TDRD3: variants seen among roughly 807,000 people sequenced by gnomAD.
TDRD3 encodes the protein tudor domain containing 3, also known as tudor domain-containing protein 3.
In TDRD3, 45 loss-of-function variants were observed where a neutral mutation model predicts 86.7. The observed-to-expected ratio is 0.52, with a 90% CI of 0.41 to 0.67. The LOEUF (loss-of-function observed/expected upper bound fraction) is 0.67. Ranked by LOEUF, TDRD3 falls within the 30% of genes least tolerant of loss-of-function variation. The pLI, the probability that TDRD3 is intolerant of heterozygous loss-of-function variation, is 0.00. For missense variants in TDRD3, 814 were observed against 889.0 expected, an observed-to-expected ratio of 0.92 and a Z score of 1.07; for synonymous variants, 298 against 301.7, an observed-to-expected ratio of 0.99 and a Z score of 0.13.
At chr13:60,499,644 T>G (rs1374980280) in intron 8 of TDRD3, among the ~76,000 whole-genome samples, 1 of 152,206 alleles carries the variant, frequency 6.6e-6, no homozygotes, top group Admixed American at 6.5e-5. Flanking sequence ...GGTGAGATAT[T>G]TGCATGCCAG....
At chr13:60,424,315 CCAGA>C (rs1954742426) in intron 1 of TDRD3, among the ~76,000 whole-genome samples, 1 of 147,378 alleles carries the variant, frequency 6.8e-6, no homozygotes, top group Non-Finnish European at 1.5e-5. Context: ...GCCACCGCCC[CCAGA>C]CAGTGGTTTT....
At chr13:60,482,890 TC>T (rs1364136468) in intron 5 of TDRD3, among the ~76,000 whole-genome samples, 1 of 151,988 alleles carries the variant, frequency 6.6e-6, no homozygotes, top group Non-Finnish European at 1.5e-5. Context: ...CATAATGGTT[TC>T]TGTAGTGATA....
chr13:60,482,530 A>T (rs1452588733), intron 5 of TDRD3, among the ~76,000 whole-genome samples: 2 of 152,164 alleles, frequency 1.3e-5, no homozygotes, highest in South Asian at 4.1e-4. Flanking sequence ...CAATTCATGA[A>T]CTTTTCAAGG....
At chr13:60,401,071 A>G (rs1954085003) in intron 1 of TDRD3, among the ~76,000 whole-genome samples, 2 of 152,168 alleles carry the variant, frequency 1.3e-5, no homozygotes, top group Non-Finnish European at 2.9e-5. Flanking sequence ...ATCCTATTAG[A>G]ATCAAATAAA....
chr13:60,509,613 T>TA (rs1957014631), intron 8 of TDRD3, 150 bp from the exon 9 acceptor site: 2 of 993,494 alleles, frequency 2.0e-6, no homozygotes, highest in East Asian at 4.9e-5. Context: ...TTGCCTCTTG[T>TA]AAAAAATCAG....
At chr13:60,438,445 G>A (rs1420000098) in intron 1 of TDRD3, among the ~76,000 whole-genome samples, 2 of 151,884 alleles carry the variant, frequency 1.3e-5, no homozygotes, top group Admixed American at 6.6e-5. Context: ...TTATCATTGT[G>A]GTTTAACAGT....
At chr13:60,572,298 G>A (rs1403638296) in intron 13 of TDRD3, among the ~76,000 whole-genome samples, 1 of 152,148 alleles carries the variant, frequency 6.6e-6, no homozygotes, top group Non-Finnish European at 1.5e-5. Flanking sequence ...AATATTTTTC[G>A]GTGATGAAAA....
At chr13:60,510,414 G>A (rs1254919722) in intron 9 of TDRD3, among the ~76,000 whole-genome samples, 3 of 151,466 alleles carry the variant, frequency 2.0e-5, no homozygotes, top group East Asian at 3.9e-4. Flanking sequence ...GAACAAATTC[G>A]GACTTCTGAA....
At chr13:60,535,936 T>G (rs1957689586) in intron 12 of TDRD3, 1 of 152,180 alleles carries the variant, frequency 6.6e-6, no homozygotes, top group African/African-American at 2.4e-5. Flanking sequence ...GTGAAGTTTT[T>G]CGTACTTCTT....
chr13:60,496,253 T>G (rs181608732), intron 8 of TDRD3, among the ~76,000 whole-genome samples: 2 of 139,050 alleles, frequency 1.4e-5, no homozygotes, highest in Non-Finnish European at 3.1e-5. Context: ...GATGGTCTAT[T>G]GTGGGACCTT....
intron 5 of TDRD3, among the ~76,000 whole-genome samples, chr13:60,468,281 C>T (rs993034576): frequency 4.6e-5 from 7 of 152,110 alleles, no homozygotes; most frequent in African/African-American, 1.4e-4. Context: ...CTCAGTTATA[C>T]ATTTTTAATT....
intron 3 of TDRD3, among the ~76,000 whole-genome samples, chr13:60,445,208 C>A (rs917319234): frequency 2.0e-5 from 3 of 152,164 alleles, no homozygotes; most frequent in African/African-American, 7.2e-5. Flanking sequence ...TTGCAGTACA[C>A]ACATATGTAT....
intron 10 of TDRD3, among the ~76,000 whole-genome samples, chr13:60,517,876 T>C (rs1212156819): frequency 6.6e-6 from 1 of 152,202 alleles, no homozygotes; most frequent in Non-Finnish European, 1.5e-5. Flanking sequence ...CTTTAGCAAT[T>C]TGACAGTACC....
At chr13:60,397,659 G>A (rs1953964707) in intron 1 of TDRD3, among the ~76,000 whole-genome samples, 1 of 147,464 alleles carries the variant, frequency 6.8e-6, no homozygotes, top group Admixed American at 6.7e-5. Context: ...GGCGGCGGGC[G>A]GCGGGCCTGG....
rs759723351 is a variant in TDRD3 at position 60,510,660 on chromosome 13, C to G, written c.1046C>G (p.Ser349Cys). The G allele has an allele frequency of 2.4e-5, 39 of 1,604,184 alleles. No homozygotes were observed. The South Asian group carries it at 4.3e-4, about 18-fold the overall frequency. ...GRGKGRGRIRSEDEEDLGNAR... is the reference protein window; with the variant it reads ...GRGKGRGRIRCEDEEDLGNAR... ...GGAAAAGGCAGGGGGCGAATAAGATCTGAAGATGAAGAGGACCTGGGAAAT... is the reference window on the plus strand; with the variant it reads ...GGAAAAGGCAGGGGGCGAATAAGATGTGAAGATGAAGAGGACCTGGGAAAT... Residue 349 changes from serine to cysteine, a missense_variant, in exon 10 of 14, where the codon TCT (serine) becomes TGT (cysteine). Coordinates refer to ENST00000377881, the MANE Select transcript of TDRD3 (RefSeq NM_001146070.2).
chr13:60,463,713 G>C (rs1455956029), intron 4 of TDRD3, among the ~76,000 whole-genome samples: 3 of 152,062 alleles, frequency 2.0e-5, no homozygotes, highest in Admixed American at 1.3e-4. Context: ...GACCTGAATA[G>C]ACATTTCTCA....
intron 10 of TDRD3, among the ~76,000 whole-genome samples, chr13:60,522,241 A>G (rs1305242055): frequency 6.6e-6 from 1 of 152,188 alleles, no homozygotes; most frequent in Non-Finnish European, 1.5e-5. Context: ...AGAAGTTTTT[A>G]TTAAAGCATT....
At chr13:60,446,353 A>G (rs1182772536) in intron 3 of TDRD3, among the ~76,000 whole-genome samples, 1 of 151,848 alleles carries the variant, frequency 6.6e-6, no homozygotes, top group East Asian at 1.9e-4. Flanking sequence ...CTCCCTAGTA[A>G]CTGAGACTAC....
intron 10 of TDRD3, among the ~76,000 whole-genome samples, chr13:60,515,376 T>G (rs1957146844): frequency 6.6e-6 from 1 of 152,218 alleles, no homozygotes; most frequent in South Asian, 2.1e-4. Flanking sequence ...TACTAGTAGC[T>G]TTTCTGACCC....
Sources: gnomAD v4.1 joint callset for allele counts (sites outside exome capture counted in the v4.1 genomes callset) on GRCh38, gnomAD v4.1.1 for gene constraint, MANE v1.5 for transcripts, NCBI Gene and HGNC (gene_info 2026-07-23, HGNC 2026-07-21) for gene names.